Variants in DPP6 observed in about 807,000 individuals in gnomAD.
DPP6 encodes the protein A-type potassium channel modulatory protein DPP6.
A neutral mutation model predicts 122.6 loss-of-function variants in DPP6; 69 were observed. The observed-to-expected ratio is 0.56, with a 90% CI of 0.46 to 0.69. The LOEUF (loss-of-function observed/expected upper bound fraction) is 0.69, where lower values mean the gene tolerates loss of function less well. Among genes scored for constraint, DPP6 ranks in the 30% least tolerant of loss-of-function variants. DPP6 has a pLI of 0.00. For missense variants in DPP6, 928 were observed against 1,116.9 expected, an observed-to-expected ratio of 0.83 and a Z score of 2.41; for synonymous variants, 418 against 433.1, an observed-to-expected ratio of 0.97 and a Z score of 0.43.
chr7:154,279,358 A>G (rs1224568786), intron 1 of DPP6, among the ~76,000 whole-genome samples: 2 of 152,156 alleles, frequency 1.3e-5, no homozygotes, highest in African/African-American at 4.8e-5. Flanking sequence ...AAAAATGATT[A>G]TAAATTTTGT....
rs1795908342 is a variant in DPP6 at position 154,142,722 on chromosome 7, T to C, written c.243+89659T>C. Among the ~76,000 whole-genome samples, 7 of 151,610 alleles carry C rather than the reference T, an allele frequency of 4.6e-5. No individual in the cohort carries two copies. The South Asian group carries it at 1.5e-3, about 32-fold the overall frequency. On this transcript the variant is annotated intron_variant, in intron 1 of 25. Coordinates refer to ENST00000377770, the MANE Select transcript of DPP6 (RefSeq NM_130797.4). ...TAAAACCATGAAAATTAAATTAATA[T>C]GACCTTATCATTGTAATCACTACTT...
rs575065404 is a variant in DPP6 at position 154,537,638 on chromosome 7, C to T, written c.458-2894C>T. On this transcript the variant is annotated intron_variant, in intron 3 of 25. Transcript: ENST00000377770. Reference sequence around the variant, plus strand: ...CCAGCAGGCAGAGGTTGCAGTGAGCCGAGATCATGCCATTACACTCCAGCC... The same window carrying T: ...CCAGCAGGCAGAGGTTGCAGTGAGCTGAGATCATGCCATTACACTCCAGCC... 1.4e-4 allele frequency among the ~76,000 whole-genome samples: 21 copies of T among 151,210 alleles called. 2 individuals carry two copies. In the South Asian group the frequency reaches 4.4e-3, roughly 32 times the overall value.
the DPP6 span, among the ~76,000 whole-genome samples, chr7:153,787,690 A>C: frequency 6.6e-6 from 1 of 150,928 alleles, no homozygotes; most frequent in Non-Finnish European, 1.5e-5. Context: ...GAATTGATTG[A>C]GTCCAGGAGG....
chr7:154,313,234 C>T (rs1261379462), intron 1 of DPP6, among the ~76,000 whole-genome samples: 1 of 152,080 alleles, frequency 6.6e-6, no homozygotes, highest in East Asian at 1.9e-4. Context: ...GGGAACAGCT[C>T]AAGGTCAGGA....
At chr7:154,691,732 T>A (rs562747937) in intron 7 of DPP6, among the ~76,000 whole-genome samples, 41 of 151,930 alleles carry the variant, frequency 2.7e-4, no homozygotes, top group Non-Finnish European at 3.5e-4. Flanking sequence ...GGCAGGAGAA[T>A]CGCTTGTGCC....
chr7:154,628,406 C>T (rs1835214506), intron 5 of DPP6, among the ~76,000 whole-genome samples: 1 of 152,194 alleles, frequency 6.6e-6, no homozygotes, highest in Non-Finnish European at 1.5e-5. Flanking sequence ...CAGAATACTT[C>T]CACTTGCTCC....
chr7:154,689,203 A>G (rs184853159), intron 7 of DPP6, among the ~76,000 whole-genome samples: 59 of 152,300 alleles, frequency 3.9e-4, no homozygotes, highest in Middle Eastern at 3.4e-3. Flanking sequence ...AGTTTTTGCC[A>G]TGGAATGTGA....
chr7:154,538,125 G>A (rs960784950), intron 3 of DPP6, among the ~76,000 whole-genome samples: 8 of 152,020 alleles, frequency 5.3e-5, no homozygotes, highest in African/African-American at 1.9e-4. Flanking sequence ...TAAAATTCAG[G>A]AGGAAAAAAA....
chr7:154,499,752 C>A (rs867797248), intron 3 of DPP6, among the ~76,000 whole-genome samples: 1 of 151,900 alleles, frequency 6.6e-6, no homozygotes, highest in Non-Finnish European at 1.5e-5. Context: ...CACCCACCAA[C>A]CCCCCCAGAT....
chr7:154,719,875 A>C (rs1239142217), intron 7 of DPP6, among the ~76,000 whole-genome samples: 1 of 152,180 alleles, frequency 6.6e-6, no homozygotes, highest in Non-Finnish European at 1.5e-5. Context: ...ACATTGCTTC[A>C]GCATCAACGT....
chr7:154,196,974 TCTC>T (rs1320851532), intron 1 of DPP6, among the ~76,000 whole-genome samples: 2 of 152,016 alleles, frequency 1.3e-5, no homozygotes, highest in Non-Finnish European at 2.9e-5. Flanking sequence ...AAATCTCCCT[TCTC>T]CTCTTTAATC....
the DPP6 span, among the ~76,000 whole-genome samples, chr7:153,845,758 G>C: frequency 6.6e-6 from 1 of 151,990 alleles, no homozygotes; most frequent in African/African-American, 2.4e-5. Flanking sequence ...TAGGCATTTT[G>C]ATATACATAT....
At chr7:154,415,424 A>G (rs1041373780) in intron 1 of DPP6, among the ~76,000 whole-genome samples, 1 of 152,162 alleles carries the variant, frequency 6.6e-6, no homozygotes, top group Non-Finnish European at 1.5e-5. Context: ...TTCCTCAAGC[A>G]TGCTTAAATT....
In DPP6 at chr7:154,826,618, C is replaced by T. The variant is rs551176114; in HGVS notation, c.1666+19506C>T. Among the ~76,000 whole-genome samples, 63 of 152,246 alleles carry T rather than the reference C, an allele frequency of 4.1e-4. 1 individual carries two copies. The South Asian group carries it at 0.011, about 26-fold the overall frequency. ...AAACATGGAACAACAACCTTCTCCT[C>T]GGCACTGTTGTCCAACAGCAACGAC... is the stretch of plus-strand genomic sequence containing the variant. On this transcript the variant is annotated intron_variant, in intron 16 of 25. Transcript: ENST00000377770.
At position 154,062,173 on chromosome 7, in the gene DPP6, T is replaced by C. The variant is rs547669696; in HGVS notation, c.243+9110T>C. 5.5e-4 allele frequency among the ~76,000 whole-genome samples: 56 copies of C among 102,082 alleles called. 15 individuals are homozygous for C. The highest frequency in any genetic ancestry group is 1.8e-3 in the African/African-American group (52 of 28,460). The allele number at this position is 102,082 out of a possible 152,430, so 67.0% of individuals were successfully genotyped here. A position where few individuals can be genotyped will look rare whatever the true frequency, so the allele number is the denominator to read the frequency against. On this transcript the variant is annotated intron_variant, in intron 1 of 25. Transcript: ENST00000377770. ...CCCCACCGGCTTAGGACCCACATCG[T>C]TGATCCTAAGATCCTTAGGACCCAC...
chr7:154,498,576 C>T (rs1257153800), intron 3 of DPP6, among the ~76,000 whole-genome samples: 8 of 152,054 alleles, frequency 5.3e-5, no homozygotes, highest in Admixed American at 2.6e-4. Context: ...GACCTCAAGT[C>T]ATCCACCCTC....
intron 12 of DPP6, 113 bp from the exon 13 acceptor site, chr7:154,801,242 T>C (rs1798345973): frequency 7.0e-7 from 1 of 1,431,938 alleles, no homozygotes; most frequent in African/African-American, 1.4e-5. Flanking sequence ...CAACTGTTCC[T>C]CTCCTTAGAA....
At chr7:153,783,210 G>A in the DPP6 span, among the ~76,000 whole-genome samples, 22 of 152,096 alleles carry the variant, frequency 1.4e-4, no homozygotes, top group Admixed American at 1.1e-3. Flanking sequence ...AGAAATACCC[G>A]AAACTGAGCA....
rs918865355 is a variant in DPP6, at chr7:154,251,158, A to G, written c.244-195056A>G. Among the ~76,000 whole-genome samples, 13 of 152,342 alleles carry G rather than the reference A, an allele frequency of 8.5e-5. No individual in the cohort carries two copies. In the South Asian group the frequency reaches 1.0e-3, roughly 12 times the overall value. ...TCTCTTCCCTTAACGATCAAGAATA[A>G]TTAGAGACTTATAGCAGCCTGGGAG... is the stretch of plus-strand genomic sequence containing the variant. On this transcript the variant is annotated intron_variant, in intron 1 of 25. Coordinates refer to ENST00000377770, the MANE Select transcript of DPP6 (RefSeq NM_130797.4).
Sources: gnomAD v4.1 joint callset for allele counts (sites outside exome capture counted in the v4.1 genomes callset) on GRCh38, gnomAD v4.1.1 for gene constraint, MANE v1.5 for transcripts, NCBI Gene and HGNC (gene_info 2026-07-23, HGNC 2026-07-21) for gene names.